WDR27: variants seen among roughly 807,000 people sequenced by gnomAD.
The protein encoded by WDR27 is WD repeat domain 27.
WDR27 carries 100 observed loss-of-function variants against 114.4 expected under a neutral mutation model. The ratio of observed to expected loss-of-function variants is 0.87; its 90% CI spans 0.74 to 1.03. The LOEUF (loss-of-function observed/expected upper bound fraction) is 1.03. Ranked by LOEUF, WDR27 falls within the 50% of genes least tolerant of loss-of-function variation. WDR27 has a pLI of 0.00. For synonymous variants in WDR27, 449 were observed against 423.1 expected, an observed-to-expected ratio of 1.06 and a Z score of -0.75; for missense variants, 1,129 against 1,092.9, an observed-to-expected ratio of 1.03 and a Z score of -0.47.
At chr6:169,573,596 T>C (rs920076645) in intron 24 of WDR27, among the ~76,000 whole-genome samples, 2 of 152,240 alleles carry the variant, frequency 1.3e-5, no homozygotes, top group African/African-American at 2.4e-5. Context: ...GAGGGATGAC[T>C]GTAACTATTT....
At chr6:169,669,213 T>C (rs1828701501) in intron 4 of WDR27, among the ~76,000 whole-genome samples, 1 of 152,248 alleles carries the variant, frequency 6.6e-6, no homozygotes, top group African/African-American at 2.4e-5. Flanking sequence ...GTATAAACTG[T>C]TGACTTGTTG....
intron 2 of WDR27, among the ~76,000 whole-genome samples, chr6:169,682,087 C>T (rs1314437869): frequency 1.3e-5 from 2 of 152,222 alleles, no homozygotes; most frequent in East Asian, 1.9e-4. Flanking sequence ...TGTCCCACAG[C>T]AGATCCCAGA....
chr6:169,511,549 C>G (rs1792876062), intron 25 of WDR27, among the ~76,000 whole-genome samples: 1 of 151,870 alleles, frequency 6.6e-6, no homozygotes, highest in African/African-American at 2.4e-5. Flanking sequence ...AAATTACACT[C>G]AGTTTTTATT....
intron 13 of WDR27, among the ~76,000 whole-genome samples, chr6:169,653,271 T>G (rs1210621534): frequency 1.3e-5 from 2 of 152,212 alleles, no homozygotes; most frequent in East Asian, 3.8e-4. Context: ...TCCAAAAATT[T>G]TTTACTAGAA....
chr6:169,487,965 T>C (rs1031273412), intron 25 of WDR27, among the ~76,000 whole-genome samples: 3 of 152,172 alleles, frequency 2.0e-5, no homozygotes, highest in Non-Finnish European at 4.4e-5. Flanking sequence ...CACAGCACTC[T>C]CTCTATTCCC....
At chr6:169,574,087 C>T (rs1005189700) in intron 24 of WDR27, among the ~76,000 whole-genome samples, 1 of 152,280 alleles carries the variant, frequency 6.6e-6, no homozygotes, top group African/African-American at 2.4e-5. Flanking sequence ...CCCTAAGTCA[C>T]ATCTGACAGG....
intron 21 of WDR27, among the ~76,000 whole-genome samples, chr6:169,615,461 C>T (rs1278691019): frequency 6.6e-6 from 1 of 152,014 alleles, no homozygotes; most frequent in Non-Finnish European, 1.5e-5. Flanking sequence ...CAAAATAGCA[C>T]AGTATTGATA....
intron 7 of WDR27, chr6:169,664,559 C>T (rs1000080389): frequency 3.8e-6 from 5 of 1,312,260 alleles, no homozygotes; most frequent in Non-Finnish European, 4.9e-6. Context: ...CAAGATGCTC[C>T]TCTGGGAACC....
At chr6:169,456,202 A>G (rs1397590437), downstream of WDR27, among the ~76,000 whole-genome samples, 1 of 152,194 alleles carries the variant, frequency 6.6e-6, no homozygotes, top group East Asian at 1.9e-4. This position sits in a 1 kb window ranked among gnomAD's most constrained non-coding sequence, Gnocchi z 4.0. Flanking sequence ...AATAAAAATG[A>G]GTTATTCTAA....
intron 23 of WDR27, among the ~76,000 whole-genome samples, chr6:169,598,925 G>A (rs1471771300): frequency 6.6e-6 from 1 of 152,186 alleles, no homozygotes; most frequent in Non-Finnish European, 1.5e-5. Flanking sequence ...GCTATTTGAG[G>A]CTGAAGCAAA....
intron 21 of WDR27, among the ~76,000 whole-genome samples, chr6:169,620,169 C>G (rs1024416097): frequency 6.6e-6 from 1 of 152,112 alleles, no homozygotes; most frequent in African/African-American, 2.4e-5. Flanking sequence ...GGGATGCTGT[C>G]TCAGGGAGCC....
At chr6:169,444,556 A>T in the WDR27 span, among the ~76,000 whole-genome samples, 2 of 151,908 alleles carry the variant, frequency 1.3e-5, no homozygotes, top group African/African-American at 4.8e-5. Flanking sequence ...GAGGCCAACC[A>T]CCGCTGCCTC....
At chr6:169,670,778 C>T in intron 3 of WDR27, 85 bp from the exon 4 acceptor site, 2 of 1,505,872 alleles carry the variant, frequency 1.3e-6, no homozygotes, top group East Asian at 2.3e-5. Flanking sequence ...GAATGTAACC[C>T]TCTATTCTAA....
chr6:169,693,474 C>A (rs373935233), intron 1 of WDR27, among the ~76,000 whole-genome samples: 3 of 152,056 alleles, frequency 2.0e-5, no homozygotes, highest in African/African-American at 7.2e-5. Flanking sequence ...TAGAGCAGTA[C>A]CCCACAGCTC....
chr6:169,481,634 T>C (rs902505743), intron 25 of WDR27, among the ~76,000 whole-genome samples: 3 of 151,512 alleles, frequency 2.0e-5, no homozygotes, highest in Non-Finnish European at 2.9e-5. Context: ...CCAGACGCAC[T>C]GCCTTTATGA....
At chr6:169,558,038 C>T (rs140180330) in intron 25 of WDR27, among the ~76,000 whole-genome samples, 3 of 152,132 alleles carry the variant, frequency 2.0e-5, no homozygotes, top group African/African-American at 7.2e-5. Flanking sequence ...AATCAGGTCA[C>T]TATATTTCCC....
At chr6:169,469,355 AAAG>A (rs1332285781) in intron 25 of WDR27, among the ~76,000 whole-genome samples, 5 of 152,234 alleles carry the variant, frequency 3.3e-5, no homozygotes, top group African/African-American at 1.2e-4. Context: ...GAGAAACAGG[AAAG>A]AAGGAAGGGG....
rs959403235 is a variant in WDR27 at position 169,589,458 on chromosome 6, C to G, written c.2425-6524G>C. On this transcript the variant is annotated intron_variant, in intron 23 of 25. Transcript: ENST00000448612. Reference sequence around the variant, plus strand: ...AAGCGCTTCCTGAGATCAGCTGGCTCCCATTTGCATGAAACCTCAAAACAC... The same window carrying G: ...AAGCGCTTCCTGAGATCAGCTGGCTGCCATTTGCATGAAACCTCAAAACAC... Among the ~76,000 whole-genome samples, 4 of 152,184 alleles carry G rather than the reference C, an allele frequency of 2.6e-5. No individual in the cohort carries two copies. The South Asian group carries it at 8.3e-4, about 32-fold the overall frequency.
intron 25 of WDR27, among the ~76,000 whole-genome samples, chr6:169,553,506 A>G (rs1037250758): frequency 6.6e-6 from 1 of 152,196 alleles, no homozygotes; most frequent in African/African-American, 2.4e-5. Context: ...CAGCTGTTCT[A>G]TAGTAGGAGG....
Sources: gnomAD v4.1 joint callset for allele counts (sites outside exome capture counted in the v4.1 genomes callset) on GRCh38, gnomAD v4.1.1 for gene constraint, Gnocchi (gnomAD v3.1) non-coding constraint, MANE v1.5 for transcripts, NCBI Gene and HGNC (gene_info 2026-07-23, HGNC 2026-07-21) for gene names.